SYN2: variants seen among roughly 807,000 people sequenced by gnomAD.
The protein encoded by SYN2 is synapsin-2.
In SYN2, 19 loss-of-function variants were observed where a neutral mutation model predicts 50.9. The observed-to-expected ratio is 0.37, with a 90% CI of 0.26 to 0.55. The LOEUF is 0.55. SYN2 is among the 20% of genes least tolerant of loss of function. SYN2 has a pLI of 0.81. For synonymous variants in SYN2, 255 were observed against 224.9 expected (o/e 1.13, Z -1.20); for missense variants, 587 against 576.4 (o/e 1.02, Z -0.19).
At chr3:12,005,769 T>C (rs1203484156) in intron 1 of SYN2, among the ~76,000 whole-genome samples, 2 of 150,218 alleles carry the variant, frequency 1.3e-5, no homozygotes, top group Non-Finnish European at 1.5e-5. Flanking sequence ...ATTTTTTTTT[T>C]CTTCTAAAGA....
chr3:12,149,605 G>T (rs1697230596), intron 4 of SYN2, among the ~76,000 whole-genome samples: 1 of 152,118 alleles, frequency 6.6e-6, no homozygotes, highest in South Asian at 2.1e-4. Flanking sequence ...ATCTCAATTT[G>T]TCAAATCAGA....
chr3:12,187,997 C>G (rs999691384), intron 12 of SYN2, among the ~76,000 whole-genome samples: 2 of 113,534 alleles, frequency 1.8e-5, no homozygotes, highest in African/African-American at 3.2e-5. Context: ...TTTTTCCATT[C>G]CTTTTCTTTG....
At chr3:12,176,223 C>G (rs1698064389) in intron 10 of SYN2, among the ~76,000 whole-genome samples, 1 of 152,196 alleles carries the variant, frequency 6.6e-6, no homozygotes. Flanking sequence ...CCTCAGACTC[C>G]CAGGAAACAG....
intron 1 of SYN2, among the ~76,000 whole-genome samples, chr3:12,084,949 C>T (rs994223255): frequency 6.6e-5 from 10 of 151,226 alleles, no homozygotes; most frequent in African/African-American, 9.7e-5. Flanking sequence ...TAAATCACAA[C>T]GGAGGACAGC....
intron 5 of SYN2, chr3:12,158,591 G>C: frequency 2.0e-6 from 3 of 1,485,938 alleles, no homozygotes; most frequent in Non-Finnish European, 2.7e-6. Flanking sequence ...AGAGACAACC[G>C]GTAAGAATTT....
intron 12 of SYN2, among the ~76,000 whole-genome samples, chr3:12,188,984 C>A (rs182465867): frequency 6.6e-6 from 1 of 152,234 alleles, no homozygotes; most frequent in African/African-American, 2.4e-5. Context: ...TCTGCCTGTG[C>A]GGGCTGAGGA....
intron 9 of SYN2, 102 bp from the exon 10 acceptor site, chr3:12,169,655 A>C (rs1697891945): frequency 7.6e-7 from 1 of 1,307,588 alleles, no homozygotes; most frequent in Admixed American, 2.1e-5. Context: ...CTTCATCTCC[A>C]GTCCATCTCT....
intron 11 of SYN2, chr3:12,183,679 T>G (rs1698274889): frequency 7.5e-7 from 1 of 1,331,986 alleles, no homozygotes; most frequent in African/African-American, 1.5e-5. Flanking sequence ...CAGGGCTGTT[T>G]GTCAACAGTA....
chr3:12,028,520 C>T (rs1323054623), intron 1 of SYN2, among the ~76,000 whole-genome samples: 1 of 149,706 alleles, frequency 6.7e-6, no homozygotes, highest in East Asian at 2.0e-4. Flanking sequence ...TATTTCTCCT[C>T]ATCCTCTCCA....
chr3:12,167,112 G>A, intron 7 of SYN2, 122 bp from the exon 8 acceptor site: 1 of 960,222 alleles, frequency 1.0e-6, no homozygotes, highest in South Asian at 1.5e-5. Context: ...CAGACCCCTG[G>A]GCTACTTGTG....
chr3:12,160,762 T>G (rs1247552302), intron 5 of SYN2, among the ~76,000 whole-genome samples: 3 of 152,244 alleles, frequency 2.0e-5, no homozygotes. Flanking sequence ...TCTAGCCCAG[T>G]GCTCCTTCCA....
intron 10 of SYN2, among the ~76,000 whole-genome samples, chr3:12,182,261 A>C (rs915356647): frequency 2.0e-5 from 3 of 152,144 alleles, no homozygotes; most frequent in Admixed American, 2.0e-4. Context: ...TCAAGAGGGG[A>C]GAGGAGCACT....
intron 11 of SYN2, chr3:12,184,653 T>G (rs1312875652): frequency 1.0e-6 from 1 of 985,952 alleles, no homozygotes; most frequent in African/African-American, 1.7e-5. Context: ...TTAGCTTGTG[T>G]GTGTTTTGGA....
chr3:12,164,107 T>TA (rs1024829856), intron 7 of SYN2, among the ~76,000 whole-genome samples: 3 of 152,106 alleles, frequency 2.0e-5, no homozygotes, highest in Non-Finnish European at 4.4e-5. Flanking sequence ...CAGAATAATT[T>TA]AAAAACCATT....
chr3:12,186,130 C>G (rs1207510288), intron 11 of SYN2, among the ~76,000 whole-genome samples: 3 of 150,284 alleles, frequency 2.0e-5, no homozygotes, highest in African/African-American at 7.6e-5. Context: ...TGCAGATGTT[C>G]TGGTGTTTCT....
chr3:12,167,725 G>C (rs1368912625), intron 8 of SYN2, among the ~76,000 whole-genome samples: 2 of 152,170 alleles, frequency 1.3e-5, no homozygotes, highest in African/African-American at 4.8e-5. Context: ...TTGGAACTGG[G>C]TAAGAGGCAG....
At chr3:12,117,689 GC>G (rs1336586662) in intron 1 of SYN2, among the ~76,000 whole-genome samples, 1 of 152,172 alleles carries the variant, frequency 6.6e-6, no homozygotes, top group African/African-American at 2.4e-5. Context: ...GAAAAATTCT[GC>G]CTTGGGGTTG....
At chr3:12,104,534 G>A (rs896529805) in intron 1 of SYN2, among the ~76,000 whole-genome samples, 12 of 137,056 alleles carry the variant, frequency 8.8e-5, no homozygotes, top group East Asian at 2.1e-4. Flanking sequence ...ACATACCTCC[G>A]TTTTAAGTAC....
chr3:12,103,734 A>G (rs745680640), intron 1 of SYN2, among the ~76,000 whole-genome samples: 1 of 152,234 alleles, frequency 6.6e-6, no homozygotes, highest in Non-Finnish European at 1.5e-5. Flanking sequence ...CTGAAAGAAA[A>G]GAAATAGCAT....
Sources: gnomAD v4.1 joint callset for allele counts (sites outside exome capture counted in the v4.1 genomes callset) on GRCh38, gnomAD v4.1.1 for gene constraint, MANE v1.5 for transcripts, NCBI Gene and HGNC (gene_info 2026-07-23, HGNC 2026-07-21) for gene names.